The following GALNT14 variants were observed in gnomAD, a reference collection of about 807,000 sequenced individuals.
GALNT14 encodes the protein polypeptide N-acetylgalactosaminyltransferase 14.
Under a neutral mutation model 77.5 loss-of-function variants are expected in GALNT14, and 60 were observed. The observed-to-expected ratio is 0.77, with a 90% CI of 0.63 to 0.96. The LOEUF (loss-of-function observed/expected upper bound fraction) is 0.96. Among genes scored for constraint, GALNT14 ranks in the 40% least tolerant of loss-of-function variants. The pLI is 0.00. For missense variants in GALNT14, 710 were observed against 731.0 expected, an observed-to-expected ratio of 0.97 and a Z score of 0.33; for synonymous variants, 280 against 281.7, an observed-to-expected ratio of 0.99 and a Z score of 0.06.
chr2:30,955,462 C>T (rs1406851948), intron 6 of GALNT14, among the ~76,000 whole-genome samples, 156 bp downstream of exon 6: 4 of 152,220 alleles, frequency 2.6e-5, no homozygotes, highest in South Asian at 2.1e-4. Context: ...ACAGGCTGCT[C>T]TACCTTAGTT....
intron 13 of GALNT14, among the ~76,000 whole-genome samples, chr2:30,913,681 C>T (rs184078116): frequency 4.6e-5 from 7 of 152,268 alleles, no homozygotes; most frequent in South Asian, 2.1e-4. Flanking sequence ...TGGGACTCAC[C>T]GGCCTAGTGG....
intron 1 of GALNT14, among the ~76,000 whole-genome samples, chr2:31,058,622 G>A (rs1273588707): frequency 6.6e-6 from 1 of 152,184 alleles, no homozygotes; most frequent in African/African-American, 2.4e-5. Flanking sequence ...GAGAAGCCAT[G>A]TGGGCTCAGG....
chr2:30,890,560 T>C, the GALNT14 span, among the ~76,000 whole-genome samples: 1 of 152,142 alleles, frequency 6.6e-6, no homozygotes, highest in Admixed American at 6.6e-5. Context: ...GAAATAGTAA[T>C]AGTAGTACTT....
chr2:30,973,080 C>T (rs1236986081), intron 2 of GALNT14, among the ~76,000 whole-genome samples: 1 of 152,218 alleles, frequency 6.6e-6, no homozygotes, highest in Non-Finnish European at 1.5e-5. Context: ...ATGAATGGGT[C>T]ATTTTCATCA....
At chr2:31,066,754 C>T (rs1029186219) in intron 1 of GALNT14, among the ~76,000 whole-genome samples, 6 of 151,826 alleles carry the variant, frequency 4.0e-5, no homozygotes, top group Non-Finnish European at 7.4e-5. Context: ...ACTGAGAGCA[C>T]CCCCCACCCC....
At position 31,138,199 on chromosome 2, in the gene GALNT14, C is replaced by A. The variant is rs80171311; in HGVS notation, c.-113G>T. ...GCGCCTCGCTCTGGGGAGCTCTAGA[C>A]CCAGGATCCGGTTGGAGGGGCGGCA... On this transcript the variant is annotated 5_prime_UTR_variant, in exon 1 of 15. Coordinates refer to ENST00000349752, the MANE Select transcript of GALNT14 (RefSeq NM_024572.4). 5.5e-3 allele frequency: 7,564 copies of A among 1,368,008 alleles called. 336 individuals carry two copies. The African/African-American group carries it at 0.098, about 18-fold the overall frequency. The allele number at this position is 1,368,008 out of a possible 1,614,324, so 84.7% of individuals were successfully genotyped here.
At chr2:30,929,311 G>A in intron 11 of GALNT14, 84 bp downstream of exon 11, 1 of 1,008,738 alleles carries the variant, frequency 9.9e-7, no homozygotes, top group Non-Finnish European at 1.5e-6. Context: ...TAAGCTGACT[G>A]GCCTATCGGC....
intron 1 of GALNT14, among the ~76,000 whole-genome samples, chr2:31,015,677 C>A (rs1671308369): frequency 6.6e-6 from 1 of 152,166 alleles, no homozygotes; most frequent in Admixed American, 6.5e-5. Context: ...GATGTACTGA[C>A]AAGGGCTCAA....
chr2:30,889,549 T>A, the GALNT14 span, among the ~76,000 whole-genome samples: 1 of 152,218 alleles, frequency 6.6e-6, no homozygotes, highest in South Asian at 2.1e-4. Context: ...CTCATCAGAT[T>A]CTCATGACCA....
intron 4 of GALNT14, among the ~76,000 whole-genome samples, chr2:30,956,240 A>ATAAG (rs1667361974): frequency 6.6e-6 from 1 of 152,224 alleles, no homozygotes; most frequent in Non-Finnish European, 1.5e-5. Context: ...TGGCACCTGT[A>ATAAG]TACTTGCTTG....
the GALNT14 span, among the ~76,000 whole-genome samples, chr2:30,896,860 CTATT>C: frequency 2.0e-5 from 3 of 151,712 alleles, no homozygotes; most frequent in African/African-American, 7.3e-5. Context: ...TAGCCATTGT[CTATT>C]TTTTTTGCTC....
chr2:31,018,127 C>T (rs556023297), intron 1 of GALNT14, among the ~76,000 whole-genome samples: 28 of 152,304 alleles, frequency 1.8e-4, no homozygotes, highest in African/African-American at 6.0e-4. Context: ...CCTTGGAGAG[C>T]AAGTAGCAAG....
At chr2:31,015,478 T>C (rs1351822204) in intron 1 of GALNT14, among the ~76,000 whole-genome samples, 1 of 152,028 alleles carries the variant, frequency 6.6e-6, no homozygotes, top group Non-Finnish European at 1.5e-5. Flanking sequence ...CTAAAATCGA[T>C]GGGCTAACAG....
At chr2:30,916,727 T>C (rs1168947960) in intron 13 of GALNT14, among the ~76,000 whole-genome samples, 1 of 152,102 alleles carries the variant, frequency 6.6e-6, no homozygotes, top group Non-Finnish European at 1.5e-5. Context: ...GCACCCAGCC[T>C]GGGGCTTGTG....
intron 1 of GALNT14, among the ~76,000 whole-genome samples, chr2:31,034,311 C>T (rs374365814): frequency 1.3e-5 from 2 of 152,214 alleles, no homozygotes; most frequent in Admixed American, 1.3e-4. Flanking sequence ...TCTTTAGCTA[C>T]TTATAGTGCA....
the GALNT14 span, among the ~76,000 whole-genome samples, chr2:30,904,739 G>C: frequency 6.6e-6 from 1 of 152,270 alleles, no homozygotes; most frequent in African/African-American, 2.4e-5. Flanking sequence ...TGCCTCTGTA[G>C]GCTCCACCTC....
chr2:31,009,300 C>A (rs913901989), intron 1 of GALNT14, among the ~76,000 whole-genome samples: 1 of 148,586 alleles, frequency 6.7e-6, no homozygotes, highest in East Asian at 2.0e-4. Context: ...CAACATCCTA[C>A]CCCCTGGAAA....
At chr2:31,017,214 T>G (rs1270875550) in intron 1 of GALNT14, among the ~76,000 whole-genome samples, 1 of 152,224 alleles carries the variant, frequency 6.6e-6, no homozygotes, top group East Asian at 1.9e-4. Context: ...TCAACAGATA[T>G]GACTTGGCCC....
intron 13 of GALNT14, among the ~76,000 whole-genome samples, chr2:30,914,257 C>A (rs190864886): frequency 1.3e-5 from 2 of 152,288 alleles, no homozygotes; most frequent in South Asian, 2.1e-4. Context: ...CAGCAAGTGG[C>A]CCCCACACCA....
Sources: allele counts gnomAD v4.1 joint callset (sites outside exome capture counted in the v4.1 genomes callset), GRCh38; gene constraint gnomAD v4.1.1; transcripts MANE v1.5; gene names NCBI Gene and HGNC (gene_info 2026-07-23, HGNC 2026-07-21).